The following CDKL5 variants were observed in gnomAD, a reference collection of about 807,000 sequenced individuals.
CDKL5 encodes the protein cyclin-dependent kinase-like 5.
In CDKL5, 8 loss-of-function variants were observed where a neutral mutation model predicts 61.7. The observed-to-expected ratio is 0.13, with a 90% CI of 0.08 to 0.23. The LOEUF (loss-of-function observed/expected upper bound fraction) is 0.23. Ranked by LOEUF, CDKL5 falls within the 10% of genes least tolerant of loss-of-function variation. The pLI, the probability that CDKL5 is intolerant of heterozygous loss-of-function variation, is 1.00. For synonymous variants in CDKL5, 275 were observed against 272.3 expected, an observed-to-expected ratio of 1.01 and a Z score of -0.10; for missense variants, 440 against 734.5, an observed-to-expected ratio of 0.60 and a Z score of 4.63.
At chrX:18,469,801 T>G (rs1273467924) in intron 1 of CDKL5, among the ~76,000 whole-genome samples, 1 of 112,231 alleles carries the variant, frequency 8.9e-6, no homozygotes, top group Non-Finnish European at 1.9e-5. Flanking sequence ...TAGTTAGAAT[T>G]CACGGGCTTA....
At chrX:18,530,003 A>G (rs746385833) in intron 3 of CDKL5, among the ~76,000 whole-genome samples, 34 of 111,063 alleles carry the variant, frequency 3.1e-4, no homozygotes, top group Non-Finnish European at 5.1e-4. Context: ...TAATTTTCCC[A>G]TAATTCTTGG....
chrX:18,435,802 A>G lies in CDKL5; in HGVS notation c.-163+10107A>G, dbSNP rs567095911. 4.9e-4 allele frequency among the ~76,000 whole-genome samples: 55 copies of G among 111,209 alleles called. No homozygotes were observed. The South Asian group carries it at 0.02, about 41-fold the overall frequency. On this transcript the variant is annotated intron_variant, in intron 1 of 17. Coordinates refer to ENST00000623535, the MANE Select transcript of CDKL5 (RefSeq NM_001323289.2). The stretch of plus-strand genomic sequence containing the variant: ...GGCTGATTTCGAACTCCTGACCTCA[A>G]GAGATCCACCCACCTTGGCCTCCCA...
Position 18,629,659 on chromosome X carries a change from CAT to C in CDKL5, c.*903_*904del. On this transcript the variant is annotated 3_prime_UTR_variant, in exon 18 of 18. Transcript: ENST00000623535. ...TGAGGCCCCAGCAGTAGCCTCTAGA[CAT>C]GATCCTTGGTAGCAGACGAGATGCA... 1.3e-6 allele frequency: 1 copy of C among 754,024 alleles called. No homozygotes were observed. The highest frequency in any genetic ancestry group is 6.7e-5 in the South Asian group (1 of 14,841). 62.1% of individuals were successfully genotyped at this position (754,024 alleles called of 1,213,427 possible). A position where few individuals can be genotyped will look rare whatever the true frequency, so the allele number is the denominator to read the frequency against.
chrX:18,483,428 T>C (rs935742295), intron 1 of CDKL5, among the ~76,000 whole-genome samples: 1 of 110,770 alleles, frequency 9.0e-6, no homozygotes, highest in African/African-American at 3.3e-5. Context: ...CATCATCTTT[T>C]TTTTTTTGAG....
intron 4 of CDKL5, among the ~76,000 whole-genome samples, chrX:18,568,804 C>T (rs999162782): frequency 3.6e-5 from 4 of 110,462 alleles, no homozygotes; most frequent in Non-Finnish European, 7.6e-5. Context: ...AGCAGTCTTC[C>T]TGTCTCAGCC....
chrX:18,601,804 T>A (rs1460382543), intron 11 of CDKL5, among the ~76,000 whole-genome samples: 1 of 112,531 alleles, frequency 8.9e-6, no homozygotes, highest in Non-Finnish European at 1.9e-5. Flanking sequence ...TAACAGTGTT[T>A]CTAAGAGTTC....
chrX:18,550,568 C>T (rs567398535), intron 3 of CDKL5, among the ~76,000 whole-genome samples: 26 of 111,686 alleles, frequency 2.3e-4, no homozygotes, highest in Middle Eastern at 4.6e-3. Context: ...CTGTTCCTGC[C>T]GCAGCAAGAT....
At chrX:18,489,322 G>A (rs1348608922) in intron 1 of CDKL5, among the ~76,000 whole-genome samples, 2 of 110,203 alleles carry the variant, frequency 1.8e-5, no homozygotes, top group African/African-American at 3.3e-5. Flanking sequence ...CACCACGCCC[G>A]GCAAGTTTTT....
intron 1 of CDKL5, chrX:18,426,440 G>A (rs955596078): frequency 3.6e-5 from 4 of 112,465 alleles, no homozygotes; most frequent in Non-Finnish European, 7.5e-5. Context: ...CCACGTTGGG[G>A]AAAAAAATAA....
chrX:18,519,132 A>T (rs1398051003), intron 3 of CDKL5, among the ~76,000 whole-genome samples: 2 of 111,826 alleles, frequency 1.8e-5, no homozygotes, highest in Non-Finnish European at 3.8e-5. Flanking sequence ...TAGGATGGGC[A>T]GGAGAACCTC....
Position 18,635,546 on chromosome X carries a change from G to A in CDKL5, c.*6789G>A. On this transcript the variant is annotated 3_prime_UTR_variant, in exon 18 of 18. Transcript: ENST00000623535. ...GCCTTTGAGGTTGTAATCAGTTTGA[G>A]ACAGAAATTAATGTAAAACTAGGCA... is the stretch of plus-strand genomic sequence containing the variant. 4.0e-6 allele frequency: 3 copies of A among 752,237 alleles called. No homozygotes were observed. The highest frequency in any genetic ancestry group is 4.7e-6 in the Non-Finnish European group (3 of 637,307). 62.0% of individuals were successfully genotyped at this position (752,237 alleles called of 1,213,427 possible). A position where few individuals can be genotyped will look rare whatever the true frequency, so the allele number is the denominator to read the frequency against.
At chrX:18,479,314 CTTTTTTTTTT>C (rs761687087) in intron 1 of CDKL5, among the ~76,000 whole-genome samples, 6 of 66,574 alleles carry the variant, frequency 9.0e-5, no homozygotes, top group African/African-American at 1.8e-4. Context: ...GCCACTATTT[CTTTTTTTTTT>C]TTTTTTTTTT....
chrX:18,642,322 A>G (rs1440222858), downstream of CDKL5, among the ~76,000 whole-genome samples: 2 of 111,948 alleles, frequency 1.8e-5, no homozygotes, highest in Non-Finnish European at 3.8e-5. Context: ...TTGTCATCAC[A>G]CCTACATGCT....
At chrX:18,577,761 A>G (rs1244034951) in intron 5 of CDKL5, among the ~76,000 whole-genome samples, 1 of 112,085 alleles carries the variant, frequency 8.9e-6, no homozygotes, top group Non-Finnish European at 1.9e-5. Context: ...ACTGGAGGAC[A>G]ATATGTCTGC....
chrX:18,508,460 C>A (rs1296553932), intron 2 of CDKL5, among the ~76,000 whole-genome samples: 1 of 111,796 alleles, frequency 8.9e-6, no homozygotes, highest in Non-Finnish European at 1.9e-5. Context: ...CAGTGTCTTG[C>A]TTACCATCTG....
At chrX:18,476,872 T>A (rs957988004) in intron 1 of CDKL5, among the ~76,000 whole-genome samples, 3 of 111,254 alleles carry the variant, frequency 2.7e-5, no homozygotes, top group Non-Finnish European at 5.7e-5. Flanking sequence ...GTTCAAGCGA[T>A]TCTCCTGCTG....
In CDKL5 at chrX:18,633,990, C is replaced by T. The variant is rs754962312; in HGVS notation, c.*5233C>T. ...CAGAAAAAAATTGTAATAGTCGGCACGCTGGATTTGTAGGGCCAGCAAAAT... is the reference window on the plus strand; with the variant it reads ...CAGAAAAAAATTGTAATAGTCGGCATGCTGGATTTGTAGGGCCAGCAAAAT... On this transcript the variant is annotated 3_prime_UTR_variant, in exon 18 of 18. Coordinates refer to ENST00000623535, the MANE Select transcript of CDKL5 (RefSeq NM_001323289.2). 8 of 752,052 alleles carry T rather than the reference C, an allele frequency of 1.1e-5. No homozygotes were observed. The East Asian group carries it at 6.1e-4, about 57-fold the overall frequency. The allele number at this position is 752,052 out of a possible 1,213,427, so 62.0% of individuals were successfully genotyped here.
At chrX:18,614,817 T>G (rs1446568097) in intron 15 of CDKL5, among the ~76,000 whole-genome samples, 1 of 112,478 alleles carries the variant, frequency 8.9e-6, no homozygotes, top group Non-Finnish European at 1.9e-5. Context: ...ATTGTCTAAA[T>G]GGTGAGAATA....
rs1927189878 is a variant in CDKL5 at position 18,630,032 on chromosome X, G to A, written c.*1275G>A. ...CTGATGGGGTGTGAGATATATGTGT[G>A]GCATTTCTATTTCTGAATGCCTTTT... is the stretch of plus-strand genomic sequence containing the variant. On this transcript the variant is annotated 3_prime_UTR_variant, in exon 18 of 18. Coordinates refer to ENST00000623535, the MANE Select transcript of CDKL5 (RefSeq NM_001323289.2). The A allele has an allele frequency of 1.3e-6, 1 of 751,650 alleles. No homozygotes were observed. The highest frequency in any genetic ancestry group is 1.6e-6 in the Non-Finnish European group (1 of 638,629). The allele number at this position is 751,650 out of a possible 1,213,427, so 61.9% of individuals were successfully genotyped here.
Sources: gnomAD v4.1 joint callset for allele counts (sites outside exome capture counted in the v4.1 genomes callset) on GRCh38, gnomAD v4.1.1 for gene constraint, MANE v1.5 for transcripts, NCBI Gene and HGNC (gene_info 2026-07-23, HGNC 2026-07-21) for gene names.